GOLGA3: variants seen among roughly 807,000 people sequenced by gnomAD.
The protein encoded by GOLGA3 is golgin subfamily A member 3.
In GOLGA3, 75 loss-of-function variants were observed where a neutral mutation model predicts 169.4. That is an observed-to-expected ratio of 0.44 (90% confidence interval 0.37 to 0.54). The LOEUF (loss-of-function observed/expected upper bound fraction) is 0.54. Ranked by LOEUF, GOLGA3 falls within the 20% of genes least tolerant of loss-of-function variation. The pLI is 0.00. For synonymous variants in GOLGA3, 824 were observed against 822.4 expected (o/e 1.00, Z -0.03); for missense variants, 1,899 against 1,930.0 (o/e 0.98, Z 0.30).
intron 11 of GOLGA3, among the ~76,000 whole-genome samples, chr12:132,793,788 G>A (rs1282798380): frequency 1.3e-5 from 2 of 152,188 alleles, no homozygotes; most frequent in Non-Finnish European, 2.9e-5. Flanking sequence ...GCACTTGGAG[G>A]GTCCCGGAGG....
At chr12:132,774,449 G>A in intron 22 of GOLGA3, 129 bp from the exon 23 acceptor site, 1 of 979,976 alleles carries the variant, frequency 1.0e-6, no homozygotes, top group Non-Finnish European at 1.5e-6. Flanking sequence ...GGACCGTCCT[G>A]GCCGCCGTGG....
Position 132,796,116 on chromosome 12 carries a change from G to A in GOLGA3, c.2205C>T (p.Ser735=). 6.2e-7 allele frequency: 1 copy of A among 1,612,446 alleles called. No individual in the cohort carries two copies. Among genetic ancestry groups the A allele is most frequent in the Non-Finnish European group, 8.5e-7 (1 of 1,179,430 alleles). The change falls in exon 11 of 24, where the codon AGC becomes AGT. Residue 735 remains serine (S), a synonymous_variant. Coordinates refer to ENST00000450791, the MANE Select transcript of GOLGA3 (RefSeq NM_001389683.1). ...QLTLTQEALQ[S]REQSLDALQT... is the part of the protein sequence containing the mutation. ...GCAGGGCATCGAGGGACTGCTCCCT[G>A]CTCTGCAGAGCCTCCTGAGTCAAGG...
chr12:132,804,928 C>CGCTGCTG lies in GOLGA3; in HGVS notation c.1378_1384dup (p.Arg462ProfsTer27), dbSNP rs1949314898. The stretch of plus-strand genomic sequence containing the variant: ...CACCTCCGAGCTCAGCGAATCCTGC[C>CGCTGCTG]GCTGCTGGCTGCTGTGGCTGCACTC... On this transcript the variant is annotated frameshift_variant, in exon 7 of 24. Transcript: ENST00000450791. LOFTEE classifies it high-confidence loss of function. The surrounding 1 kb of genome is among the most constrained non-coding windows in gnomAD (Gnocchi z 4.1). The CGCTGCTG allele has an allele frequency of 1.2e-6, 2 of 1,613,694 alleles. No individual in the cohort carries two copies. Among genetic ancestry groups the CGCTGCTG allele is most frequent in the African/African-American group, 1.3e-5 (1 of 74,942 alleles).
At chr12:132,795,570 G>A (rs1448467272) in intron 11 of GOLGA3, among the ~76,000 whole-genome samples, 6 of 152,176 alleles carry the variant, frequency 3.9e-5, no homozygotes, top group Non-Finnish European at 7.4e-5. Flanking sequence ...AGACTAGCCT[G>A]GCCAACATGG....
At chr12:132,797,860 G>A (rs1948930983) in intron 9 of GOLGA3, among the ~76,000 whole-genome samples, 1 of 152,238 alleles carries the variant, frequency 6.6e-6, no homozygotes. Flanking sequence ...TGTGGTTGCT[G>A]GAGGGTTAAA....
At position 132,780,896 on chromosome 12, in the gene GOLGA3, G is replaced by A. The variant is rs372081792; in HGVS notation, c.3484C>T (p.Arg1162Cys). 1.7e-4 allele frequency: 273 copies of A among 1,610,940 alleles called. No homozygotes were observed. Among genetic ancestry groups the A allele is most frequent in the East Asian group, 8.2e-4 (37 of 44,900 alleles). ...LNLQVQAVLQ[R>C]KEEEDRQMKH... ...ATCTGGCGATCCTCCTCTTCTTTGC[G>A]CTGCAAAACTGCCTGCACCTAGATC... Residue 1162 changes from arginine to cysteine, a missense_variant, in exon 18 of 24, where the codon CGC becomes TGC. Physicochemically the swap from Arg to Cys is radical, Grantham distance 180. Transcript: ENST00000450791.
intron 17 of GOLGA3, among the ~76,000 whole-genome samples, chr12:132,781,790 C>T (rs867001111): frequency 1.3e-5 from 2 of 152,228 alleles, no homozygotes; most frequent in South Asian, 4.2e-4. Context: ...TGAGTGAGAA[C>T]CAGGTCAGGG....
intron 11 of GOLGA3, among the ~76,000 whole-genome samples, chr12:132,792,717 CGG>C (rs1948605902): frequency 6.9e-6 from 1 of 144,220 alleles, no homozygotes; most frequent in Admixed American, 6.8e-5. Flanking sequence ...GGGCTCCACA[CGG>C]ACCGACCGCA....
rs1313863434 is a variant in GOLGA3, at chr12:132,801,977, G to A, written c.1598-8C>T. 2 of 1,593,762 alleles carry A rather than the reference G, an allele frequency of 1.3e-6. No homozygotes were observed. Among genetic ancestry groups the A allele is most frequent in the Admixed American group, 3.3e-5 (2 of 59,898 alleles). ...GCTGTCGCAGGTCGTGCACTGAAAT[G>A]GGGCAAGCACAGCGGCTCAGGCCAG... On this transcript the variant is annotated splice_polypyrimidine_tract_variant and splice_region_variant and intron_variant, in intron 7 of 23. Coordinates refer to ENST00000450791, the MANE Select transcript of GOLGA3 (RefSeq NM_001389683.1).
intron 13 of GOLGA3, 115 bp from the exon 14 acceptor site, chr12:132,786,902 A>T: frequency 1.4e-6 from 1 of 720,212 alleles, no homozygotes; most frequent in South Asian, 1.7e-5. Context: ...GCCCTGGAGG[A>T]CTTGGGCCTT....
At chr12:132,828,063 C>T (rs1950495867) in intron 1 of GOLGA3, among the ~76,000 whole-genome samples, 1 of 152,196 alleles carries the variant, frequency 6.6e-6, no homozygotes, top group Admixed American at 6.5e-5. Flanking sequence ...ACATCCTCCG[C>T]CCTCAGGGTC....
rs1439685386 is a variant in GOLGA3 at position 132,772,217 on chromosome 12, C to T, written c.*888G>A. 4 of 152,174 alleles carry T rather than the reference C, an allele frequency of 2.6e-5. No homozygotes were observed. The East Asian group carries it at 7.7e-4, about 29-fold the overall frequency. The allele number at this position is 152,174 out of a possible 1,614,324, so 9.4% of individuals were successfully genotyped here. A position where few individuals can be genotyped will look rare whatever the true frequency, so the allele number is the denominator to read the frequency against. ...AAAGGCAATCAATAATAAGTAGGTT[C>T]TTCTTCAATAACATGAGCATATGCT... On this transcript the variant is annotated 3_prime_UTR_variant, in exon 24 of 24. Transcript: ENST00000450791.
intron 11 of GOLGA3, among the ~76,000 whole-genome samples, chr12:132,795,621 C>T (rs978599109): frequency 2.0e-5 from 3 of 152,168 alleles, no homozygotes; most frequent in African/African-American, 7.2e-5. Context: ...ATTAGCTGGG[C>T]ATGGTGGCGC....
At chr12:132,809,458 G>A (rs1041292539) in intron 4 of GOLGA3, among the ~76,000 whole-genome samples, 10 of 73,900 alleles carry the variant, frequency 1.4e-4, no homozygotes, top group Admixed American at 6.4e-4. Context: ...CCCGGTTCCC[G>A]GTCTGCTAAG....
intron 18 of GOLGA3, among the ~76,000 whole-genome samples, chr12:132,779,220 C>T (rs113382715): frequency 0.13 from 19,933 of 152,096 alleles, 1,870 homozygotes; most frequent in East Asian, 0.45. Context: ...GCTGGGACTA[C>T]AGGCATGTGC....
At chr12:132,807,420 T>C (rs928120378) in intron 5 of GOLGA3, 132 bp from the exon 6 acceptor site, 2 of 541,268 alleles carry the variant, frequency 3.7e-6, no homozygotes, top group Non-Finnish European at 6.6e-6. Flanking sequence ...GAGATTTAAG[T>C]AGAGAGCTGA....
At chr12:132,818,282 C>T (rs995012031) in intron 2 of GOLGA3, among the ~76,000 whole-genome samples, 2 of 152,180 alleles carry the variant, frequency 1.3e-5, no homozygotes, top group Non-Finnish European at 2.9e-5. Flanking sequence ...TTTTTTGAGA[C>T]GGAGTCTCAT....
In GOLGA3 at chr12:132,821,206, TG is replaced by T. The variant is rs779161950; in HGVS notation, c.133+789del. On this transcript the variant is annotated intron_variant, in intron 2 of 23. Coordinates refer to ENST00000450791, the MANE Select transcript of GOLGA3 (RefSeq NM_001389683.1). ...CGGATCACCTGAGGTTGGGAGTTCG[TG>T]GCCAGCCTGACCAACATGGAGAAAC... 1.3e-4 allele frequency among the ~76,000 whole-genome samples: 18 copies of T among 139,272 alleles called. 1 individual carries two copies. Among genetic ancestry groups the T allele is most frequent in the Non-Finnish European group, 2.2e-4 (14 of 64,530 alleles). The allele number at this position is 139,272 out of a possible 152,430, so 91.4% of individuals were successfully genotyped here. A position where few individuals can be genotyped will look rare whatever the true frequency, so the allele number is the denominator to read the frequency against.
At chr12:132,824,388 A>G (rs1342811929) in intron 1 of GOLGA3, among the ~76,000 whole-genome samples, 14 of 152,228 alleles carry the variant, frequency 9.2e-5, no homozygotes. Flanking sequence ...AGTTCATAAC[A>G]GTGTTGTTCA....
Sources: allele counts gnomAD v4.1 joint callset (sites outside exome capture counted in the v4.1 genomes callset), GRCh38; gene constraint gnomAD v4.1.1; non-coding constraint Gnocchi (gnomAD v3.1); transcripts MANE v1.5; gene names NCBI Gene and HGNC (gene_info 2026-07-23, HGNC 2026-07-21).